The following DDX51 variants were observed in gnomAD, a reference collection of about 807,000 sequenced individuals.
DDX51 encodes the protein ATP-dependent RNA helicase DDX51.
Under a neutral mutation model 74.6 loss-of-function variants are expected in DDX51, and 67 were observed. The ratio of observed to expected loss-of-function variants is 0.90; its 90% CI spans 0.74 to 1.10. The LOEUF (loss-of-function observed/expected upper bound fraction) is 1.10, where lower values mean the gene tolerates loss of function less well. Among genes scored for constraint, DDX51 ranks in the 50% least tolerant of loss-of-function variants. The pLI, the probability that DDX51 is intolerant of heterozygous loss-of-function variation, is 0.00. For missense variants in DDX51, 1,056 were observed against 905.2 expected, an observed-to-expected ratio of 1.17 and a Z score of -2.14; for synonymous variants, 545 against 402.9, an observed-to-expected ratio of 1.35 and a Z score of -4.22.
At chr12:132,143,157 A>C (rs1050382784) in intron 2 of DDX51, 53 of 470,936 alleles carry the variant, frequency 1.1e-4, no homozygotes, top group Non-Finnish European at 1.9e-4. Context: ...CGCCTGCCCC[A>C]GCCACGCCGG....
chr12:132,139,649 C>A lies in DDX51; in HGVS notation c.1960G>T (p.Glu654Ter), dbSNP rs1383769895. Residue 654 changes from glutamate (E) to a stop codon, truncating the protein, a stop_gained, in exon 14 of 15, where the codon GAG becomes TAG. Coordinates refer to ENST00000397333, the MANE Select transcript of DDX51 (RefSeq NM_175066.4). LOFTEE classifies it high-confidence loss of function. ...PRYEEALSQL[E>*]ESVKEERKQR... ...GGTGCCCTTACCTTGACAGACTCCT[C>A]CAGCTGGGACAGGGCCTCCTCGTAC... The A allele has an allele frequency of 6.2e-7, 1 of 1,613,136 alleles. No individual in the cohort carries two copies. Among genetic ancestry groups the A allele is most frequent in the Non-Finnish European group, 8.5e-7 (1 of 1,180,000 alleles).
intron 6 of DDX51, 76 bp downstream of exon 6, chr12:132,141,774 G>A: frequency 6.5e-7 from 1 of 1,539,738 alleles, no homozygotes; most frequent in Non-Finnish European, 8.9e-7. Flanking sequence ...CCCCTCCTCT[G>A]CTCCCACGGT....
At position 132,141,340 on chromosome 12, in the gene DDX51, G is replaced by A. The variant is rs368711716; in HGVS notation, c.1185C>T (p.Ser395=). The change falls in exon 8 of 15, where the codon AGC becomes AGT. Residue 395 remains serine, a synonymous_variant. Transcript: ENST00000397333. ...GGGCACAGGGGTCCGCGGGGTCCTC[G>A]CTCTGGAAGGCGGCCGCCACCACCC... ...LPRVVAAAFQ[S]EDPADPCALL... is the part of the protein sequence containing the mutation. 328 of 1,598,704 alleles carry A rather than the reference G, an allele frequency of 2.1e-4. 1 individual carries two copies. Among genetic ancestry groups the A allele is most frequent in the Non-Finnish European group, 2.5e-4 (299 of 1,179,686 alleles).
chr12:132,139,072 A>G lies in DDX51; in HGVS notation c.*200T>C. On this transcript the variant is annotated 3_prime_UTR_variant, in exon 15 of 15. Transcript: ENST00000397333. ...TGACCTCCACACTCTGAAAGTGACA[A>G]GCCCTGAAGTCTCCAGTCGGGGCAG... is the stretch of plus-strand genomic sequence containing the variant. 6 of 675,048 alleles carry G rather than the reference A, an allele frequency of 8.9e-6. No individual in the cohort carries two copies. The highest frequency in any genetic ancestry group is 8.3e-5 in the South Asian group (4 of 48,346). The allele number at this position is 675,048 out of a possible 1,614,324, so 41.8% of individuals were successfully genotyped here.
rs764262231 is a variant in DDX51 at position 132,139,890 on chromosome 12, G to T, written c.1810C>A (p.Gln604Lys). The T allele has an allele frequency of 1.9e-6, 3 of 1,613,168 alleles. No homozygotes were observed. Among genetic ancestry groups the T allele is most frequent in the Non-Finnish European group, 2.5e-6 (3 of 1,179,992 alleles). ...GRTARAGKTG[Q>K]AFTLLLKVQE... ...ACTTTCAGGAGCAGTGTGAAGGCCT[G>T]TCCAGTTTTCCCAGCGCGAGCTGTC... is the stretch of plus-strand genomic sequence containing the variant. The change falls in exon 13 of 15, where the codon CAG becomes AAG. Residue 604 changes from glutamine (Q) to lysine (K), a missense_variant. Transcript: ENST00000397333.
rs760675965 is a variant in DDX51, at chr12:132,137,507, G to C, written c.*1765C>G. 2.0e-5 allele frequency: 3 copies of C among 152,160 alleles called. No homozygotes were observed. The highest frequency in any genetic ancestry group is 4.4e-5 in the Non-Finnish European group (3 of 68,032). 9.4% of individuals were successfully genotyped at this position (152,160 alleles called of 1,614,324 possible). A position where few individuals can be genotyped will look rare whatever the true frequency, so the allele number is the denominator to read the frequency against. On this transcript the variant is annotated 3_prime_UTR_variant, in exon 15 of 15. Coordinates refer to ENST00000397333, the MANE Select transcript of DDX51 (RefSeq NM_175066.4). Reference sequence around the variant, plus strand: ...CTGTAACAGTCGCCTTTTGTGTTCTGCTGGCATTTGTTTGAACACAGTCCA... The same window carrying C: ...CTGTAACAGTCGCCTTTTGTGTTCTCCTGGCATTTGTTTGAACACAGTCCA...
rs779934378 is a variant in DDX51 at position 132,143,851 on chromosome 12, C to T, written c.363G>A (p.Gly121=). The T allele has an allele frequency of 5.3e-6, 8 of 1,500,856 alleles. No individual in the cohort carries two copies. Among genetic ancestry groups the T allele is most frequent in the Non-Finnish European group, 7.0e-6 (8 of 1,140,920 alleles). 93.0% of individuals were successfully genotyped at this position (1,500,856 alleles called of 1,614,324 possible). A position where few individuals can be genotyped will look rare whatever the true frequency, so the allele number is the denominator to read the frequency against. The change falls in exon 2 of 15, where the codon GGG becomes GGA. Residue 121 remains glycine (G), a synonymous_variant. Coordinates refer to ENST00000397333, the MANE Select transcript of DDX51 (RefSeq NM_175066.4). ...CCTCGCTGCTCCCTGCGCTGGGCTC[C>T]CCTGGCGCCTCCTCGCTGCTCCCTG... ...PSAGSSEEAP[G]EPSAGSSEEA... is the part of the protein sequence containing the mutation.
chr12:132,141,741 G>C, intron 6 of DDX51, 109 bp downstream of exon 6: 3 of 1,470,634 alleles, frequency 2.0e-6, no homozygotes, highest in South Asian at 2.5e-5. Flanking sequence ...CTCTTCACGG[G>C]AACAGGTGGT....
chr12:132,140,071 C>A, intron 12 of DDX51, 27 bp downstream of exon 12: 1 of 1,609,582 alleles, frequency 6.2e-7, no homozygotes. Flanking sequence ...CCCCAGACCC[C>A]CCAGTGGCCG....
chr12:132,141,212 G>GGA, intron 8 of DDX51, 63 bp downstream of exon 8: 2 of 1,524,116 alleles, frequency 1.3e-6, no homozygotes, highest in Non-Finnish European at 1.8e-6. Context: ...CATTAAGGAA[G>GGA]GAGAGCTGTG....
rs537678709 is a variant in DDX51, at chr12:132,139,873, G to A, written c.1827C>T (p.Leu609=). ...CTCGCAGCCTCACCTGCACTTTCAG[G>A]AGCAGTGTGAAGGCCTGTCCAGTTT... ...AGKTGQAFTL[L]LKVQERRFLR... The change falls in exon 13 of 15, where the codon CTC becomes CTT. Residue 609 remains leucine (L), a synonymous_variant. Transcript: ENST00000397333. 1.5e-5 allele frequency: 25 copies of A among 1,613,190 alleles called. No homozygotes were observed. The East Asian group carries it at 5.3e-4, about 34-fold the overall frequency.
chr12:132,140,901 G>C lies in DDX51; in HGVS notation c.1370C>G (p.Ala457Gly), dbSNP rs751684557. Residue 457 changes from alanine (A) to glycine (G), a missense_variant, in exon 9 of 15, where the codon GCA becomes GGA. Physicochemically the swap from Ala to Gly is moderately conservative, Grantham distance 60. Coordinates refer to ENST00000397333, the MANE Select transcript of DDX51 (RefSeq NM_175066.4). ...ATCTGTATCTTCCAGGCCCCTGTGTGCTAGCCCTGTGGAGAAAAGCCGGGG... is the reference window on the plus strand; with the variant it reads ...ATCTGTATCTTCCAGGCCCCTGTGTCCTAGCCCTGTGGAGAAAAGCCGGGG... ...HQPRLFSTGL[A>G]HRGLEDTDGD... The C allele has an allele frequency of 6.2e-7, 1 of 1,613,504 alleles. No individual in the cohort carries two copies. Among genetic ancestry groups the C allele is most frequent in the South Asian group, 1.1e-5 (1 of 91,080 alleles).
In DDX51 at chr12:132,138,422, C is replaced by T. The variant is rs1897330576; in HGVS notation, c.*850G>A. 1 of 151,680 alleles carries T rather than the reference C, an allele frequency of 6.6e-6. No individual in the cohort carries two copies. 9.4% of individuals were successfully genotyped at this position (151,680 alleles called of 1,614,324 possible). Reference sequence around the variant, plus strand: ...CCGCCTCCCGGGTTCACGCCATTCTCCTGCCTCAGCCTCCCGAGTAGCTGG... The same window carrying T: ...CCGCCTCCCGGGTTCACGCCATTCTTCTGCCTCAGCCTCCCGAGTAGCTGG... On this transcript the variant is annotated 3_prime_UTR_variant, in exon 15 of 15. Coordinates refer to ENST00000397333, the MANE Select transcript of DDX51 (RefSeq NM_175066.4).
At position 132,138,161 on chromosome 12, in the gene DDX51, C is replaced by T. The variant is rs946250474; in HGVS notation, c.*1111G>A. 12 of 152,376 alleles carry T rather than the reference C, an allele frequency of 7.9e-5. No individual in the cohort carries two copies. Among genetic ancestry groups the T allele is most frequent in the Non-Finnish European group, 2.9e-5 (2 of 68,156 alleles). The allele number at this position is 152,376 out of a possible 1,614,324, so 9.4% of individuals were successfully genotyped here. On this transcript the variant is annotated 3_prime_UTR_variant, in exon 15 of 15. Transcript: ENST00000397333. The stretch of plus-strand genomic sequence containing the variant: ...CTGTGTGGATGTAGGTTTCATTGAT[C>T]TGGGGTGTACAAGGTGCATAGGAGA...
At position 132,143,737 on chromosome 12, in the gene DDX51, G is replaced by T. The variant is rs1428465968; in HGVS notation, c.477C>A (p.Pro159=). The change falls in exon 2 of 15, where the codon CCC becomes CCA. Residue 159 remains proline, a synonymous_variant. Transcript: ENST00000397333. Reference sequence around the variant, plus strand: ...TCCCGAACCCCCCCAGCACCAGGCCGGGGACCAGGGGTCCGGCCGCCTCCT... The same window carrying T: ...TCCCGAACCCCCCCAGCACCAGGCCTGGGACCAGGGGTCCGGCCGCCTCCT... ...ALEEAAGPLV[P]GLVLGGFGKR... 1 of 1,529,886 alleles carries T rather than the reference G, an allele frequency of 6.5e-7. No homozygotes were observed. Among genetic ancestry groups the T allele is most frequent in the Admixed American group, 2.0e-5 (1 of 49,272 alleles). 94.8% of individuals were successfully genotyped at this position (1,529,886 alleles called of 1,614,324 possible).
chr12:132,140,682 C>A lies in DDX51; in HGVS notation c.1494G>T (p.Leu498=), dbSNP rs754664470. 1 of 1,613,070 alleles carries A rather than the reference C, an allele frequency of 6.2e-7. No homozygotes were observed. Among genetic ancestry groups the A allele is most frequent in the South Asian group, 1.1e-5 (1 of 91,074 alleles). ...LSSKPLVVLH[L]VLEMGFSRVL... is the part of the protein sequence containing the mutation. ...CCCTCGAGAAGCCCATCTCCAGGAC[C>A]AGGTGCAGGACGACCAGCGGCTTAG... Residue 498 remains leucine (L), a synonymous_variant, in exon 10 of 15, where the codon CTG becomes CTT. Coordinates refer to ENST00000397333, the MANE Select transcript of DDX51 (RefSeq NM_175066.4).
intron 8 of DDX51, 67 bp downstream of exon 8, chr12:132,141,208 G>C: frequency 1.3e-6 from 2 of 1,520,528 alleles, no homozygotes; most frequent in Non-Finnish European, 1.8e-6. Context: ...TGGGCATTAA[G>C]GAAGGAGAGC....
Position 132,139,013 on chromosome 12 carries a change from C to G in DDX51, c.*259G>C. On this transcript the variant is annotated 3_prime_UTR_variant, in exon 15 of 15. Coordinates refer to ENST00000397333, the MANE Select transcript of DDX51 (RefSeq NM_175066.4). ...GCGTCCGTCTGGGAGTACTTTTCAC[C>G]GTTTTACTAAGGCTTCATTGCCCGC... The G allele has an allele frequency of 1.9e-6, 1 of 516,548 alleles. No homozygotes were observed. The highest frequency in any genetic ancestry group is 3.4e-6 in the Non-Finnish European group (1 of 291,418). The allele number at this position is 516,548 out of a possible 1,614,324, so 32.0% of individuals were successfully genotyped here.
Position 132,144,186 on chromosome 12 carries a change from C to T in DDX51, c.111G>A (p.Arg37=). The T allele has an allele frequency of 8.5e-7, 1 of 1,178,704 alleles. No homozygotes were observed. The highest frequency in any genetic ancestry group is 1.0e-6 in the Non-Finnish European group (1 of 954,448). 73.0% of individuals were successfully genotyped at this position (1,178,704 alleles called of 1,614,324 possible). A position where few individuals can be genotyped will look rare whatever the true frequency, so the allele number is the denominator to read the frequency against. The change falls in exon 1 of 15, where the codon CGG becomes CGA. Residue 37 remains arginine, a synonymous_variant. Transcript: ENST00000397333. Reference sequence around the variant, plus strand: ...GCCGTTCGCGGGCCCGGCTCTGCAGCCGCTCGAGCAGCGCGCGGGCCCTGC... The same window carrying T: ...GCCGTTCGCGGGCCCGGCTCTGCAGTCGCTCGAGCAGCGCGCGGGCCCTGC... The part of the protein sequence containing the change: ...AHGRARALLE[R]LQSRARERQQ...
Sources: allele counts gnomAD v4.1 joint callset, GRCh38; gene constraint gnomAD v4.1.1; transcripts MANE v1.5; gene names NCBI Gene and HGNC (gene_info 2026-07-23, HGNC 2026-07-21).